Variants in TRPC5 observed in about 807,000 individuals in gnomAD.
TRPC5 encodes short transient receptor potential channel 5.
A neutral mutation model predicts 56.5 loss-of-function variants in TRPC5; 9 were observed. The observed-to-expected ratio is 0.16, with a 90% CI of 0.10 to 0.28. The LOEUF is 0.28. Among genes scored for constraint, TRPC5 ranks in the 10% least tolerant of loss-of-function variants. TRPC5 has a pLI of 1.00. For missense variants in TRPC5, 469 were observed against 748.9 expected, an observed-to-expected ratio of 0.63 and a Z score of 4.36; for synonymous variants, 282 against 278.5, an observed-to-expected ratio of 1.01 and a Z score of -0.13.
At chrX:111,885,561 A>AAC (rs1222989936) in intron 3 of TRPC5, among the ~76,000 whole-genome samples, 1 of 110,296 alleles carries the variant, frequency 9.1e-6, no homozygotes, top group East Asian at 2.8e-4. Flanking sequence ...TTTTTTTAAA[A>AAC]AAAGAAAACT....
chrX:112,048,113 G>A (rs1930104664), intron 1 of TRPC5, among the ~76,000 whole-genome samples: 1 of 112,006 alleles, frequency 8.9e-6, no homozygotes, highest in African/African-American at 3.2e-5. Flanking sequence ...TAAATGCTCA[G>A]CAATAGGTGT....
intron 2 of TRPC5, among the ~76,000 whole-genome samples, chrX:111,951,749 G>A (rs1927092555): frequency 1.8e-5 from 2 of 111,831 alleles, no homozygotes; most frequent in South Asian, 7.5e-4. Flanking sequence ...CAGGGTATAC[G>A]AAAGTTAGAA....
At chrX:111,825,146 CCTTTCTTT>C (rs570710450) in intron 7 of TRPC5, among the ~76,000 whole-genome samples, 8,239 of 58,561 alleles carry the variant, frequency 0.14, 859 homozygotes, top group Non-Finnish European at 0.21. Flanking sequence ...TTCCTTCCTT[CCTTTCTTT>C]CTTTCTTTCT....
intron 1 of TRPC5, among the ~76,000 whole-genome samples, chrX:112,022,039 T>C (rs1422916203): frequency 8.9e-6 from 1 of 112,315 alleles, no homozygotes; most frequent in African/African-American, 3.2e-5. Flanking sequence ...TCAGTAAATA[T>C]CTGTAGATTC....
chrX:111,838,421 G>A (rs529177955), intron 6 of TRPC5, among the ~76,000 whole-genome samples: 52 of 110,631 alleles, frequency 4.7e-4, no homozygotes, highest in Non-Finnish European at 9.1e-4. Context: ...TTCTAGACTC[G>A]GTTTAATACA....
chrX:111,780,497 A>G (rs1603024367), intron 9 of TRPC5, among the ~76,000 whole-genome samples: 1 of 110,580 alleles, frequency 9.0e-6, no homozygotes, highest in African/African-American at 3.3e-5. Context: ...TTTTAATACA[A>G]TCATCCCTTG....
At chrX:111,837,370 CAGGCAGGAGG>C (rs1375900888) in intron 6 of TRPC5, among the ~76,000 whole-genome samples, 1 of 111,627 alleles carries the variant, frequency 9.0e-6, no homozygotes, top group Non-Finnish European at 1.9e-5. Context: ...AGAAATCAGG[CAGGCAGGAGG>C]CCAGCAGTAA....
rs1395765060 is a variant in TRPC5 at position 112,082,604 on chromosome X, T to C, written c.-747A>G. 1.8e-5 allele frequency: 2 copies of C among 109,233 alleles called. No homozygotes were observed. The highest frequency in any genetic ancestry group is 6.7e-5 in the African/African-American group (2 of 29,769). The allele number at this position is 109,233 out of a possible 1,213,427, so 9.0% of individuals were successfully genotyped here. ...GCAAAGAGGGGTGGGGAGGGGAAAA[T>C]CAAGGAGGCACGCTCCCTTTATCCT... On this transcript the variant is annotated 5_prime_UTR_variant, in exon 1 of 11. Coordinates refer to ENST00000262839, the MANE Select transcript of TRPC5 (RefSeq NM_012471.3).
chrX:111,916,756 A>G (rs1376910228), intron 2 of TRPC5, among the ~76,000 whole-genome samples: 1 of 112,462 alleles, frequency 8.9e-6, no homozygotes, highest in African/African-American at 3.2e-5. Flanking sequence ...AGCCGGAAAC[A>G]TGGATTTGGG....
intron 6 of TRPC5, among the ~76,000 whole-genome samples, chrX:111,835,615 C>T (rs1922541059): frequency 9.0e-6 from 1 of 111,067 alleles, no homozygotes; most frequent in South Asian, 3.9e-4. Flanking sequence ...GGTGAAACCC[C>T]GTCTCTACTA....
intron 2 of TRPC5, among the ~76,000 whole-genome samples, chrX:111,949,011 A>G (rs937505044): frequency 1.2e-4 from 13 of 112,114 alleles, no homozygotes; most frequent in African/African-American, 4.2e-4. Context: ...TGGACTTTTC[A>G]TGTATTTGTC....
intron 1 of TRPC5, among the ~76,000 whole-genome samples, chrX:112,019,332 T>C (rs1929206766): frequency 8.9e-6 from 1 of 112,372 alleles, no homozygotes; most frequent in Non-Finnish European, 1.9e-5. Flanking sequence ...AGAAAGCCTA[T>C]TGAGGAAGTA....
chrX:111,797,790 CTG>C (rs1272122478), intron 7 of TRPC5, among the ~76,000 whole-genome samples: 1 of 111,366 alleles, frequency 9.0e-6, no homozygotes, highest in Non-Finnish European at 1.9e-5. Flanking sequence ...AGATTTACTA[CTG>C]TGTTTTCTTT....
At chrX:111,814,289 G>C (rs977091619) in intron 7 of TRPC5, among the ~76,000 whole-genome samples, 6 of 109,962 alleles carry the variant, frequency 5.5e-5, no homozygotes, top group African/African-American at 2.0e-4. Context: ...TTGCATCCAT[G>C]CAGTGTGGTC....
intron 1 of TRPC5, among the ~76,000 whole-genome samples, chrX:111,976,087 T>A (rs1927919702): frequency 8.9e-6 from 1 of 111,864 alleles, no homozygotes; most frequent in African/African-American, 3.2e-5. Flanking sequence ...CAGAAAAATT[T>A]TTTTATGAAA....
intron 1 of TRPC5, among the ~76,000 whole-genome samples, chrX:111,980,843 T>C (rs979628285): frequency 9.4e-6 from 1 of 106,651 alleles, no homozygotes; most frequent in African/African-American, 3.4e-5. Flanking sequence ...TATATCTATG[T>C]ATTAGTCAGA....
intron 2 of TRPC5, among the ~76,000 whole-genome samples, chrX:111,947,509 G>A (rs183345082): frequency 1.8e-5 from 2 of 110,526 alleles, no homozygotes; most frequent in East Asian, 5.7e-4. Context: ...GCTAATTTTT[G>A]TGTTTTTAGT....
intron 1 of TRPC5, among the ~76,000 whole-genome samples, chrX:112,022,032 G>GTA (rs975099855): frequency 2.7e-5 from 3 of 112,344 alleles, no homozygotes; most frequent in African/African-American, 9.7e-5. Flanking sequence ...TGGGTGTTCA[G>GTA]TAAATATCTG....
intron 1 of TRPC5, among the ~76,000 whole-genome samples, chrX:112,056,258 G>T (rs773299648): frequency 8.9e-6 from 1 of 111,967 alleles, no homozygotes; most frequent in South Asian, 3.8e-4. Context: ...CAGTGGCCCT[G>T]CATGAGAATG....
Sources: gnomAD v4.1 joint callset for allele counts (sites outside exome capture counted in the v4.1 genomes callset) on GRCh38, gnomAD v4.1.1 for gene constraint, MANE v1.5 for transcripts, NCBI Gene and HGNC (gene_info 2026-07-23, HGNC 2026-07-21) for gene names.